The following ANGEL2 variants were observed in gnomAD, a reference collection of about 807,000 sequenced individuals.
ANGEL2 encodes the protein angel homolog 2.
ANGEL2 carries 41 observed loss-of-function variants against 66.0 expected under a neutral mutation model. That is an observed-to-expected ratio of 0.62 (90% CI 0.48 to 0.81). The LOEUF is 0.81. Ranked by LOEUF, ANGEL2 falls within the 30% of genes least tolerant of loss-of-function variation. ANGEL2 has a pLI of 0.00. For synonymous variants in ANGEL2, 208 were observed against 226.5 expected (o/e 0.92, Z 0.73); for missense variants, 561 against 641.6 (o/e 0.87, Z 1.36).
chr1:213,004,327 G>C (rs997236287), intron 5 of ANGEL2, among the ~76,000 whole-genome samples: 2 of 151,992 alleles, frequency 1.3e-5, no homozygotes, highest in Admixed American at 1.3e-4. Flanking sequence ...AAATAATCAC[G>C]AGATAAATTG....
intron 4 of ANGEL2, among the ~76,000 whole-genome samples, chr1:213,006,350 G>C (rs1477210216): frequency 6.6e-6 from 1 of 151,658 alleles, no homozygotes; most frequent in Non-Finnish European, 1.5e-5. Context: ...TGTAGTCCCA[G>C]CTACTAGGGA....
At chr1:212,998,520 C>CTT (rs549600424) in intron 7 of ANGEL2, among the ~76,000 whole-genome samples, 67 of 135,048 alleles carry the variant, frequency 5.0e-4, no homozygotes, top group Admixed American at 7.7e-4. Context: ...AAAAAAGTAT[C>CTT]TTTTTTTTTT....
chr1:213,000,773 TACAA>T lies in ANGEL2; in HGVS notation c.1261+9_1261+12del, dbSNP rs1391171618. On this transcript the variant is annotated intron_variant, in intron 6 of 8. Coordinates refer to ENST00000366962, the MANE Select transcript of ANGEL2 (RefSeq NM_144567.5). ...TACCCAGCAGACTGCCAAAATGTAT[TACAA>T]ACACTTACCTGTCTTTTCTACTTTT... 6.3e-7 allele frequency: 1 copy of T among 1,597,574 alleles called. No individual in the cohort carries two copies. Among genetic ancestry groups the T allele is most frequent in the East Asian group, 2.3e-5 (1 of 44,284 alleles).
Position 213,000,914 on chromosome 1 carries a change from T to TA in ANGEL2, c.1135-3dup. The TA allele has an allele frequency of 6.2e-7, 1 of 1,603,580 alleles. No individual in the cohort carries two copies. On this transcript the variant is annotated splice_polypyrimidine_tract_variant and splice_region_variant and intron_variant, in intron 5 of 8. Transcript: ENST00000366962. ...TGAAGACTGTTCCTGGCCAGATACC[T>TA]AAACAAAATTTCAACAGGTATCTTA...
intron 1 of ANGEL2, chr1:213,015,081 T>C: frequency 1.0e-6 from 1 of 977,738 alleles, no homozygotes; most frequent in Non-Finnish European, 1.2e-6. Context: ...ATAATACACG[T>C]GAAACAAGAA....
At chr1:213,006,479 A>T (rs2076331880) in intron 4 of ANGEL2, 1 of 152,034 alleles carries the variant, frequency 6.6e-6, no homozygotes, top group South Asian at 2.1e-4. Flanking sequence ...AAAAAAAAAA[A>T]AAATTGCTGA....
chr1:213,009,306 C>G (rs1182511759), intron 2 of ANGEL2, among the ~76,000 whole-genome samples: 1 of 152,186 alleles, frequency 6.6e-6, no homozygotes, highest in Non-Finnish European at 1.5e-5. Flanking sequence ...GATCTTGTCT[C>G]CTACATCCTA....
At position 213,009,591 on chromosome 1, in the gene ANGEL2, T is replaced by C. The variant is rs2148171123; in HGVS notation, c.386-1125A>G. On this transcript the variant is annotated intron_variant, in intron 2 of 8. Transcript: ENST00000366962. ...TTGAAGTTAAAATATCCTATACACT[T>C]ATATAGAGGGTGAAATAAAGACTAA... is the stretch of plus-strand genomic sequence containing the variant. Among the ~76,000 whole-genome samples the C allele has an allele frequency of 1.3e-5, 2 of 152,300 alleles. 1 individual carries two copies. The highest frequency in any genetic ancestry group is 2.9e-5 in the Non-Finnish European group (2 of 68,036).
chr1:213,015,281 G>A, intron 1 of ANGEL2: 3 of 1,209,054 alleles, frequency 2.5e-6, no homozygotes, highest in Non-Finnish European at 3.1e-6. Context: ...GCTGCGGAGT[G>A]TGTGGAGCAG....
In ANGEL2 at chr1:212,995,072, G is replaced by C. The variant is rs1378100082; in HGVS notation, c.1604C>G (p.Pro535Arg). The C allele has an allele frequency of 2.5e-6, 4 of 1,610,746 alleles. No individual in the cohort carries two copies. The highest frequency in any genetic ancestry group is 3.4e-6 in the Non-Finnish European group (4 of 1,178,330). Reference sequence around the variant, plus strand: ...CTCAAGTCTGAACTTTGCCAATAAAGGCAGATGATCTGAAGAGTTATTTTC... The same window carrying C: ...CTCAAGTCTGAACTTTGCCAATAAACGCAGATGATCTGAAGAGTTATTTTC... Reference protein sequence around the residue: ...PNENNSSDHLPLLAKFRLEL With the variant: ...PNENNSSDHLRLLAKFRLEL Residue 535 changes from proline (P) to arginine (R), a missense_variant, in exon 9 of 9, where the codon CCT (proline) becomes CGT (arginine). By Grantham distance (103) the Pro-to-Arg change is moderately radical (BLOSUM62 -2). Transcript: ENST00000366962.
intron 4 of ANGEL2, among the ~76,000 whole-genome samples, chr1:213,005,756 C>T (rs1413710338): frequency 6.6e-6 from 1 of 152,108 alleles, no homozygotes; most frequent in African/African-American, 2.4e-5. Flanking sequence ...CTCTCTCCAC[C>T]CTATATTCCT....
chr1:213,004,482 A>C (rs1428486751), intron 5 of ANGEL2, among the ~76,000 whole-genome samples: 24 of 151,000 alleles, frequency 1.6e-4, no homozygotes, highest in Admixed American at 1.6e-3. Context: ...GTCTGTCAAT[A>C]CTTTTTTTTT....
At position 212,993,826 on chromosome 1, in the gene ANGEL2, A is replaced by T. The variant is rs1462639667; in HGVS notation, c.*1215T>A. 5 of 152,222 alleles carry T rather than the reference A, an allele frequency of 3.3e-5. No homozygotes were observed. In the East Asian group the frequency reaches 9.6e-4, roughly 29 times the overall value. The allele number at this position is 152,222 out of a possible 1,614,324, so 9.4% of individuals were successfully genotyped here. A position where few individuals can be genotyped will look rare whatever the true frequency, so the allele number is the denominator to read the frequency against. On this transcript the variant is annotated 3_prime_UTR_variant, in exon 9 of 9. Coordinates refer to ENST00000366962, the MANE Select transcript of ANGEL2 (RefSeq NM_144567.5). ...TAGGTCTCCAAGTTAATATCTCCCC[A>T]CTAGAGTTTTACAGGCTTCCTCATA... is the stretch of plus-strand genomic sequence containing the variant.
At chr1:212,995,781 G>A (rs566229977) in intron 8 of ANGEL2, among the ~76,000 whole-genome samples, 4 of 151,882 alleles carry the variant, frequency 2.6e-5, no homozygotes, top group South Asian at 2.1e-4. Flanking sequence ...AAGTCATCTC[G>A]TGAGTGTTAC....
In ANGEL2 at chr1:213,015,462, C is replaced by A. The variant is rs568097730; in HGVS notation, c.59+151G>T. On this transcript the variant is annotated intron_variant, in intron 1 of 8. Coordinates refer to ENST00000366962, the MANE Select transcript of ANGEL2 (RefSeq NM_144567.5). ...ACCTATCCCGCTTGGTCTCTGGAGGCTCGTCCCGGATGCACCATCGCCCAG... is the reference window on the plus strand; with the variant it reads ...ACCTATCCCGCTTGGTCTCTGGAGGATCGTCCCGGATGCACCATCGCCCAG... 9.4e-5 allele frequency: 136 copies of A among 1,450,308 alleles called. 2 individuals are homozygous for A. The African/African-American group carries it at 1.8e-3, about 19-fold the overall frequency. 89.8% of individuals were successfully genotyped at this position (1,450,308 alleles called of 1,614,324 possible).
In ANGEL2 at chr1:212,994,963, A is replaced by G. The variant is rs1192011812; in HGVS notation, c.*78T>C. ...TCTCCACAGTGCAAAAATAAACAAC[A>G]TGCATACACTTAAGAACTTTACATT... On this transcript the variant is annotated 3_prime_UTR_variant, in exon 9 of 9. Transcript: ENST00000366962. 2 of 1,324,958 alleles carry G rather than the reference A, an allele frequency of 1.5e-6. No individual in the cohort carries two copies. Among genetic ancestry groups the G allele is most frequent in the East Asian group, 2.6e-5 (1 of 38,384 alleles). 82.1% of individuals were successfully genotyped at this position (1,324,958 alleles called of 1,614,324 possible).
chr1:213,007,084 C>T, intron 4 of ANGEL2, 45 bp downstream of exon 4: 1 of 1,534,264 alleles, frequency 6.5e-7, no homozygotes, highest in East Asian at 2.3e-5. Context: ...CAGAGTGAGA[C>T]CCTGTCTCAA....
rs566747186 is a variant in ANGEL2, at chr1:212,996,272, A to C, written c.1483+883T>G. On this transcript the variant is annotated intron_variant, in intron 8 of 8. Coordinates refer to ENST00000366962, the MANE Select transcript of ANGEL2 (RefSeq NM_144567.5). ...CAGTGAGCTGAGATAGCGCCACTGC[A>C]CTCCAGCCTGGGCGACGAGCGAGAC... 4.1e-3 allele frequency among the ~76,000 whole-genome samples: 617 copies of C among 152,184 alleles called. 5 individuals are homozygous for C. The highest frequency in any genetic ancestry group is 4.5e-3 in the Non-Finnish European group (303 of 67,990).
In ANGEL2 at chr1:212,994,925, A is replaced by C; in HGVS notation, c.*116T>G. 1 of 935,584 alleles carries C rather than the reference A, an allele frequency of 1.1e-6. No homozygotes were observed. The highest frequency in any genetic ancestry group is 1.4e-6 in the Non-Finnish European group (1 of 690,948). 58.0% of individuals were successfully genotyped at this position (935,584 alleles called of 1,614,324 possible). ...TATGGAGTTTCAAAGCATCTAACAT[A>C]ACCGCTTCAGAATCTCCACAGTGCA... On this transcript the variant is annotated 3_prime_UTR_variant, in exon 9 of 9. Transcript: ENST00000366962.
Sources: gnomAD v4.1 joint callset for allele counts (sites outside exome capture counted in the v4.1 genomes callset) on GRCh38, gnomAD v4.1.1 for gene constraint, MANE v1.5 for transcripts, NCBI Gene and HGNC (gene_info 2026-07-23, HGNC 2026-07-21) for gene names.